The following ST6GAL2 variants were observed in gnomAD, a reference collection of about 807,000 sequenced individuals.
The protein encoded by ST6GAL2 is ST6 beta-galactoside alpha-2,6-sialyltransferase 2, also known as beta-galactoside alpha-2,6-sialyltransferase 2.
ST6GAL2 carries 24 observed loss-of-function variants against 37.5 expected under a neutral mutation model. The observed-to-expected ratio is 0.64, with a 90% CI of 0.46 to 0.90. The LOEUF (loss-of-function observed/expected upper bound fraction) is 0.90. Among genes scored for constraint, ST6GAL2 ranks in the 40% least tolerant of loss-of-function variants. The pLI is 0.00. For missense variants in ST6GAL2, 715 were observed against 712.7 expected, an observed-to-expected ratio of 1.00 and a Z score of -0.04; for synonymous variants, 306 against 295.1, an observed-to-expected ratio of 1.04 and a Z score of -0.38.
rs1675600462 is a variant in ST6GAL2, at chr2:106,811,284, A to G, written c.1319-4335T>C. Reference sequence around the variant, plus strand: ...CAATACACAAACACCTGAAGAATAAATTTCTTCATACTTTGCAAAAGAGAA... The same window carrying G: ...CAATACACAAACACCTGAAGAATAAGTTTCTTCATACTTTGCAAAAGAGAA... On this transcript the variant is annotated intron_variant, in intron 5 of 5. Coordinates refer to ENST00000409382, the MANE Select transcript of ST6GAL2 (RefSeq NM_001142351.2). 2.0e-5 allele frequency among the ~76,000 whole-genome samples: 3 copies of G among 152,180 alleles called. No homozygotes were observed. The South Asian group carries it at 6.2e-4, about 32-fold the overall frequency.
chr2:106,840,801 C>T (rs6543448), intron 2 of ST6GAL2, among the ~76,000 whole-genome samples: 149,213 of 152,304 alleles, frequency 0.98, 73,109 homozygotes, highest in East Asian at 1. Context: ...GAGGGACTGC[C>T]CACTGACATG....
At chr2:106,883,545 T>G (rs1214351038) in intron 1 of ST6GAL2, among the ~76,000 whole-genome samples, 1 of 152,178 alleles carries the variant, frequency 6.6e-6, no homozygotes, top group Non-Finnish European at 1.5e-5. Flanking sequence ...ATGCAATTGT[T>G]ACTTTTATAG....
At chr2:106,829,996 T>C in intron 5 of ST6GAL2, 70 bp downstream of exon 5, 1 of 1,394,870 alleles carries the variant, frequency 7.2e-7, no homozygotes, top group South Asian at 1.2e-5. Context: ...AACACGACTG[T>C]ATATTTGTTA....
chr2:106,806,550 T>C lies in ST6GAL2; in HGVS notation c.*128A>G. 9.8e-7 allele frequency: 1 copy of C among 1,021,530 alleles called. No individual in the cohort carries two copies. The highest frequency in any genetic ancestry group is 1.4e-6 in the Non-Finnish European group (1 of 694,028). The allele number at this position is 1,021,530 out of a possible 1,614,324, so 63.3% of individuals were successfully genotyped here. ...TGGCTTAGAAAGAGAAGGATTATCA[T>C]GACCACCACTAAATTACTGTTTAAA... is the stretch of plus-strand genomic sequence containing the variant. On this transcript the variant is annotated 3_prime_UTR_variant, in exon 6 of 6. Coordinates refer to ENST00000409382, the MANE Select transcript of ST6GAL2 (RefSeq NM_001142351.2).
intron 5 of ST6GAL2, among the ~76,000 whole-genome samples, chr2:106,812,234 C>T (rs1675638926): frequency 6.6e-6 from 1 of 152,186 alleles, no homozygotes; most frequent in Non-Finnish European, 1.5e-5. Context: ...GGAAGAGAGG[C>T]CAAACTGACC....
At chr2:106,864,213 C>T (rs1218640364) in intron 1 of ST6GAL2, among the ~76,000 whole-genome samples, 2 of 152,212 alleles carry the variant, frequency 1.3e-5, no homozygotes. Context: ...CCAAAACCAA[C>T]CTCTCTCCCT....
At chr2:106,884,307 C>T (rs1310648001) in intron 1 of ST6GAL2, among the ~76,000 whole-genome samples, 1 of 152,146 alleles carries the variant, frequency 6.6e-6, no homozygotes, top group African/African-American at 2.4e-5. Context: ...AGATAACTGC[C>T]CTCTTCTGCA....
In ST6GAL2 at chr2:106,803,612, TAACAACAACAACAACAACAACAAC is replaced by T. The variant is rs3841913; in HGVS notation, c.*3042_*3065del. Reference sequence around the variant, plus strand: ...TTGCTGCTCAAAATTTGTTTCTTTGTAACAACAACAACAACAACAACAACAACAACAACAACAACAACAACAGGT... The same window carrying T: ...TTGCTGCTCAAAATTTGTTTCTTTGTAACAACAACAACAACAACAACAGGT... On this transcript the variant is annotated 3_prime_UTR_variant, in exon 6 of 6. Transcript: ENST00000409382. 2 of 149,352 alleles carry T rather than the reference TAACAACAACAACAACAACAACAAC, an allele frequency of 1.3e-5. No individual in the cohort carries two copies. The highest frequency in any genetic ancestry group is 4.9e-5 in the African/African-American group (2 of 40,508). 9.3% of individuals were successfully genotyped at this position (149,352 alleles called of 1,614,324 possible).
chr2:106,842,696 A>T (rs2104514306), intron 2 of ST6GAL2, among the ~76,000 whole-genome samples: 1 of 152,226 alleles, frequency 6.6e-6, no homozygotes, highest in East Asian at 1.9e-4. Context: ...TGGGATACGA[A>T]GTCTGAACAG....
intron 1 of ST6GAL2, among the ~76,000 whole-genome samples, chr2:106,873,042 C>T (rs1003220966): frequency 1.3e-5 from 2 of 152,148 alleles, no homozygotes; most frequent in African/African-American, 4.8e-5. Flanking sequence ...AAACAAAACG[C>T]TCACTCAGAA....
At chr2:106,838,261 A>G (rs906251558) in intron 2 of ST6GAL2, among the ~76,000 whole-genome samples, 1 of 152,230 alleles carries the variant, frequency 6.6e-6, no homozygotes, top group Admixed American at 6.5e-5. Context: ...AAGTGCATCC[A>G]TGGAAGGAAA....
At chr2:106,819,407 G>T (rs1675919394) in intron 5 of ST6GAL2, among the ~76,000 whole-genome samples, 1 of 151,878 alleles carries the variant, frequency 6.6e-6, no homozygotes, top group African/African-American at 2.4e-5. Context: ...TTTGGTAGCA[G>T]ACTTCTCAGT....
chr2:106,878,696 T>C (rs1678610648), intron 1 of ST6GAL2, among the ~76,000 whole-genome samples: 2 of 152,192 alleles, frequency 1.3e-5, no homozygotes, highest in South Asian at 4.1e-4. Context: ...ATTTAAAATA[T>C]ACAGGAGAAT....
chr2:106,860,855 G>C (rs1477085227), intron 1 of ST6GAL2, among the ~76,000 whole-genome samples: 1 of 152,154 alleles, frequency 6.6e-6, no homozygotes, highest in Non-Finnish European at 1.5e-5. Flanking sequence ...AAACTTAGAA[G>C]TATGTCTGAA....
At chr2:106,826,593 T>C (rs911621640) in intron 5 of ST6GAL2, among the ~76,000 whole-genome samples, 1 of 150,652 alleles carries the variant, frequency 6.6e-6, no homozygotes, top group Non-Finnish European at 1.5e-5. Flanking sequence ...GAACTCACTA[T>C]CATGAAGATA....
In ST6GAL2 at chr2:106,843,015, G is replaced by T. The variant is rs1258987509; in HGVS notation, c.943+20C>A. On this transcript the variant is annotated intron_variant, in intron 2 of 5. Transcript: ENST00000409382. ...CACTGGCTCAAGACAGGGCGACCTG[G>T]TCCCCCCGCTGAGACCTACCTATTT... The T allele has an allele frequency of 1.5e-6, 2 of 1,371,452 alleles. No homozygotes were observed. Among genetic ancestry groups the T allele is most frequent in the Non-Finnish European group, 1.9e-6 (2 of 1,058,740 alleles). 85.0% of individuals were successfully genotyped at this position (1,371,452 alleles called of 1,614,324 possible).
chr2:106,878,725 G>A (rs185842066), intron 1 of ST6GAL2, among the ~76,000 whole-genome samples: 76 of 152,286 alleles, frequency 5.0e-4, no homozygotes, highest in African/African-American at 1.7e-3. Flanking sequence ...GTTATGCAAA[G>A]ATACTATGCC....
At chr2:106,826,948 C>T (rs1676232231) in intron 5 of ST6GAL2, among the ~76,000 whole-genome samples, 1 of 152,200 alleles carries the variant, frequency 6.6e-6, no homozygotes, top group South Asian at 2.1e-4. Flanking sequence ...GCCAGGGACA[C>T]TGCCAGGGTG....
At chr2:106,863,366 T>G (rs1386481106) in intron 1 of ST6GAL2, among the ~76,000 whole-genome samples, 1 of 152,218 alleles carries the variant, frequency 6.6e-6, no homozygotes, top group East Asian at 1.9e-4. Flanking sequence ...CTTGAGTGTT[T>G]TGGAGTTCTG....
Sources: allele counts gnomAD v4.1 joint callset (sites outside exome capture counted in the v4.1 genomes callset), GRCh38; gene constraint gnomAD v4.1.1; transcripts MANE v1.5; gene names NCBI Gene and HGNC (gene_info 2026-07-23, HGNC 2026-07-21).